The following TENM4 variants were observed in gnomAD, a reference collection of about 807,000 sequenced individuals.
TENM4 encodes the protein teneurin-4.
TENM4 carries 82 observed loss-of-function variants against 243.3 expected under a neutral mutation model. That is an observed-to-expected ratio of 0.34 (90% CI 0.28 to 0.40). The LOEUF (loss-of-function observed/expected upper bound fraction) is 0.40. TENM4 is among the 10% of genes least tolerant of loss of function. The pLI is 1.00. For missense variants in TENM4, 3,138 were observed against 3,673.3 expected (o/e 0.85, Z 3.77); for synonymous variants, 1,412 against 1,456.3 (o/e 0.97, Z 0.69).
chr11:79,290,863 G>T (rs190950875), intron 2 of TENM4, among the ~76,000 whole-genome samples: 5 of 152,222 alleles, frequency 3.3e-5, no homozygotes, highest in African/African-American at 1.2e-4. Flanking sequence ...TACATAGTAG[G>T]TACTCATAAG....
intron 3 of TENM4, among the ~76,000 whole-genome samples, chr11:79,184,890 A>G (rs1394451583): frequency 2.0e-5 from 3 of 152,236 alleles, no homozygotes; most frequent in African/African-American, 4.8e-5. Flanking sequence ...TTTCACCACA[A>G]TTTTAGAAAT....
At chr11:78,950,559 A>G (rs1857090478) in intron 6 of TENM4, among the ~76,000 whole-genome samples, 1 of 152,198 alleles carries the variant, frequency 6.6e-6, no homozygotes, top group African/African-American at 2.4e-5. Flanking sequence ...GCCACTTACT[A>G]TCTCTGTGAC....
At chr11:79,439,325 TA>T (rs1565347468) in intron 1 of TENM4, 1 of 151,482 alleles carries the variant, frequency 6.6e-6, no homozygotes, top group African/African-American at 2.4e-5. Context: ...TCTCCACGGT[TA>T]GGGGGTGGGA....
intron 1 of TENM4, among the ~76,000 whole-genome samples, chr11:79,361,581 A>G (rs953276622): frequency 3.3e-5 from 5 of 152,162 alleles, no homozygotes; most frequent in African/African-American, 4.8e-5. Flanking sequence ...ACACCTTTGT[A>G]AATAGTCCAT....
rs190502325 is a variant in TENM4 at position 79,232,715 on chromosome 11, C to T, written c.-264-16806G>A. 6.6e-5 allele frequency among the ~76,000 whole-genome samples: 10 copies of T among 152,302 alleles called. No individual in the cohort carries two copies. In the East Asian group the frequency reaches 1.9e-3, roughly 29 times the overall value. On this transcript the variant is annotated intron_variant, in intron 2 of 33. Transcript: ENST00000278550. ...AAAGGAATTTCTCCAAGGGTGATTC[C>T]GAACTCTTGTGGGTGAGCAGTGTCT...
chr11:79,237,125 A>G (rs929149844), intron 2 of TENM4, among the ~76,000 whole-genome samples: 1 of 152,172 alleles, frequency 6.6e-6, no homozygotes, highest in Non-Finnish European at 1.5e-5. Flanking sequence ...TGAAACTAAG[A>G]ACATTGACTG....
chr11:78,676,478 G>C (rs1451490392), intron 29 of TENM4, 91 bp from the exon 30 acceptor site: 1 of 1,052,782 alleles, frequency 9.5e-7, no homozygotes, highest in Non-Finnish European at 1.3e-6. Flanking sequence ...GACTTTAAAG[G>C]ATGCTTTTCC....
chr11:79,277,195 G>A (rs1856072193), intron 2 of TENM4, among the ~76,000 whole-genome samples: 2 of 152,152 alleles, frequency 1.3e-5, no homozygotes, highest in African/African-American at 2.4e-5. Flanking sequence ...TTTCAGACAC[G>A]AGATTTATGA....
At chr11:79,270,364 A>T (rs1412362389) in intron 2 of TENM4, among the ~76,000 whole-genome samples, 1 of 152,200 alleles carries the variant, frequency 6.6e-6, no homozygotes, top group Non-Finnish European at 1.5e-5. Flanking sequence ...CCCACAACCT[A>T]ATTACCAAAT....
At chr11:79,421,157 A>C (rs565595012) in intron 1 of TENM4, among the ~76,000 whole-genome samples, 87 of 152,352 alleles carry the variant, frequency 5.7e-4, no homozygotes, top group African/African-American at 2.0e-3. Flanking sequence ...CAATTTTTGC[A>C]ATGCTTATAA....
At position 78,668,023 on chromosome 11, in the gene TENM4, T is replaced by G. The variant is rs558620462; in HGVS notation, c.7408+914A>C. Among the ~76,000 whole-genome samples, 215 of 152,240 alleles carry G rather than the reference T, an allele frequency of 1.4e-3. 1 individual carries two copies. The highest frequency in any genetic ancestry group is 4.9e-3 in the African/African-American group (204 of 41,538). Reference sequence around the variant, plus strand: ...TGGGACACTTTATACTCAAGTTGGTTTCATGGTAATGGAAGGCAGAGCTCA... The same window carrying G: ...TGGGACACTTTATACTCAAGTTGGTGTCATGGTAATGGAAGGCAGAGCTCA... On this transcript the variant is annotated intron_variant, in intron 32 of 33. Transcript: ENST00000278550.
chr11:78,906,859 G>C (rs1372821758), intron 6 of TENM4, among the ~76,000 whole-genome samples: 1 of 152,198 alleles, frequency 6.6e-6, no homozygotes, highest in Admixed American at 6.5e-5. Flanking sequence ...GCCTAGAACT[G>C]AGCAGATGCT....
intron 1 of TENM4, among the ~76,000 whole-genome samples, chr11:79,393,834 C>T (rs1357617462): frequency 6.6e-6 from 1 of 152,128 alleles, no homozygotes; most frequent in African/African-American, 2.4e-5. Flanking sequence ...TGGACTTTGC[C>T]CTGGGGCCAT....
rs186584084 is a variant in TENM4 at position 78,701,081 on chromosome 11, A to G, written c.5087+445T>C. 1.8e-3 allele frequency among the ~76,000 whole-genome samples: 274 copies of G among 152,270 alleles called. 2 individuals are homozygous for G. Among genetic ancestry groups the G allele is most frequent in the Middle Eastern group, 3.4e-3 (1 of 294 alleles). On this transcript the variant is annotated intron_variant, in intron 28 of 33. Transcript: ENST00000278550. ...GAAAAGGGTTTTTTTTTGGAATTTGAAGACAAGAGCTTCAATTATGTGGAA... is the reference window on the plus strand; with the variant it reads ...GAAAAGGGTTTTTTTTTGGAATTTGGAGACAAGAGCTTCAATTATGTGGAA...
intron 1 of TENM4, among the ~76,000 whole-genome samples, chr11:79,301,360 C>G (rs1019670666): frequency 6.6e-6 from 1 of 152,118 alleles, no homozygotes; most frequent in Non-Finnish European, 1.5e-5. Context: ...TTCAGGTTTG[C>G]GAATATCAAG....
At chr11:79,334,126 G>A (rs1047572839) in intron 1 of TENM4, among the ~76,000 whole-genome samples, 2 of 152,296 alleles carry the variant, frequency 1.3e-5, no homozygotes, top group South Asian at 2.1e-4. Context: ...CAAAGTAAAT[G>A]GAATGAGAGC....
intron 4 of TENM4, among the ~76,000 whole-genome samples, chr11:79,101,394 T>A (rs1011109982): frequency 6.6e-6 from 1 of 152,230 alleles, no homozygotes; most frequent in Non-Finnish European, 1.5e-5. Context: ...TATTCTGATG[T>A]TATTTCTGAT....
Position 79,047,132 on chromosome 11 carries a change from A to C in TENM4, c.493+17606T>G, listed in dbSNP as rs555060674. 5.9e-5 allele frequency among the ~76,000 whole-genome samples: 9 copies of C among 152,278 alleles called. No homozygotes were observed. In the South Asian group the frequency reaches 1.9e-3, roughly 32 times the overall value. Reference sequence around the variant, plus strand: ...ATACTTAATTAAAAGTAACGGCAAAACCCGCAATTACTTTGCGCCAACCTA... The same window carrying C: ...ATACTTAATTAAAAGTAACGGCAAACCCCGCAATTACTTTGCGCCAACCTA... On this transcript the variant is annotated intron_variant, in intron 6 of 33. Transcript: ENST00000278550.
At chr11:79,182,221 T>C (rs1863296886) in intron 3 of TENM4, among the ~76,000 whole-genome samples, 1 of 152,178 alleles carries the variant, frequency 6.6e-6, no homozygotes, top group South Asian at 2.1e-4. Flanking sequence ...CAAGACAGCA[T>C]GGTATTGGAA....
Sources: allele counts gnomAD v4.1 joint callset (sites outside exome capture counted in the v4.1 genomes callset), GRCh38; gene constraint gnomAD v4.1.1; transcripts MANE v1.5; gene names NCBI Gene and HGNC (gene_info 2026-07-23, HGNC 2026-07-21).